DST: variants seen among roughly 807,000 people sequenced by gnomAD.
DST encodes the protein bullous pemphigoid antigen.
Under a neutral mutation model 875.2 loss-of-function variants are expected in DST, and 253 were observed. The ratio of observed to expected loss-of-function variants is 0.29; its 90% CI spans 0.26 to 0.32. The LOEUF (loss-of-function observed/expected upper bound fraction) is 0.32, where lower values mean the gene tolerates loss of function less well. Among genes scored for constraint, DST ranks in the 10% least tolerant of loss-of-function variants. DST has a pLI of 1.00. For missense variants in DST, 8,287 were observed against 9,111.6 expected (o/e 0.91, Z 3.68); for synonymous variants, 3,124 against 3,197.1 (o/e 0.98, Z 0.77).
chr6:56,608,038 G>C lies in DST; in HGVS notation c.6590C>G (p.Thr2197Ser). The C allele has an allele frequency of 2.5e-6, 4 of 1,612,880 alleles. No individual in the cohort carries two copies. Among genetic ancestry groups the C allele is most frequent in the Non-Finnish European group, 3.4e-6 (4 of 1,179,410 alleles). ...EPVTTQTSEETKKLFLSYLMI... is the reference protein window; with the variant it reads ...EPVTTQTSEESKKLFLSYLMI... ...TAAATAAGATAGAAATAATTTTTTA[G>C]TTTCTTCTGAGGTCTGAGTAGTGAC... Residue 2197 changes from threonine to serine, a missense_variant, in exon 40 of 104, where the codon ACT (threonine) becomes AGT (serine). By Grantham distance (58) the Thr-to-Ser change is moderately conservative. Transcript: ENST00000680361.
chr6:56,632,133 A>G, intron 28 of DST, 93 bp from the exon 29 acceptor site: 3 of 904,646 alleles, frequency 3.3e-6, no homozygotes, highest in Non-Finnish European at 5.1e-6. Flanking sequence ...TATTACTGGG[A>G]CACAGCTAGT....
chr6:56,813,695 C>T (rs563574441), intron 4 of DST, among the ~76,000 whole-genome samples: 1 of 152,270 alleles, frequency 6.6e-6, no homozygotes, highest in East Asian at 1.9e-4. Flanking sequence ...AAAAACAGTT[C>T]TTAATGGATA....
intron 4 of DST, among the ~76,000 whole-genome samples, chr6:56,783,841 T>G (rs1405743351): frequency 6.6e-6 from 1 of 152,218 alleles, no homozygotes; most frequent in Non-Finnish European, 1.5e-5. Context: ...ACATTTTGGC[T>G]TGATTTTGCA....
chr6:56,570,076 T>TAAAAA, intron 53 of DST, 64 bp from the exon 54 acceptor site: 1 of 1,196,804 alleles, frequency 8.4e-7, no homozygotes, highest in South Asian at 1.5e-5. Context: ...ATTATTATTC[T>TAAAAA]CATGTCACAC....
Position 56,686,911 on chromosome 6 carries a change from A to G in DST, c.1047+12742T>C, listed in dbSNP as rs181349628. 5.7e-3 allele frequency among the ~76,000 whole-genome samples: 870 copies of G among 152,374 alleles called. 3 individuals carry two copies. The highest frequency in any genetic ancestry group is 7.6e-3 in the Non-Finnish European group (516 of 68,038). ...ACATACGTGACCTCGTTTAATCCTC[A>G]AAACAAGAAACCACCCCAATTTTAA... On this transcript the variant is annotated intron_variant, in intron 9 of 103. Coordinates refer to ENST00000680361, the MANE Select transcript of DST (RefSeq NM_001374736.1).
chr6:56,950,165 T>G (rs1821615233), intron 2 of DST, among the ~76,000 whole-genome samples: 1 of 152,144 alleles, frequency 6.6e-6, no homozygotes, highest in South Asian at 2.1e-4. Flanking sequence ...GTTATGTGAG[T>G]CTTTGGGAAC....
intron 49 of DST, among the ~76,000 whole-genome samples, chr6:56,585,168 G>A (rs2098120644): frequency 6.6e-6 from 1 of 152,234 alleles, no homozygotes. Flanking sequence ...CAGAAGGAAT[G>A]GTACCAGTTC....
At chr6:56,839,515 G>C (rs1298396660) in intron 4 of DST, among the ~76,000 whole-genome samples, 4 of 152,172 alleles carry the variant, frequency 2.6e-5, no homozygotes, top group African/African-American at 7.2e-5. Context: ...CCTATGAACA[G>C]AGCATGAGCA....
intron 10 of DST, among the ~76,000 whole-genome samples, chr6:56,662,609 T>C (rs2099050054): frequency 6.6e-6 from 1 of 152,138 alleles, no homozygotes; most frequent in Non-Finnish European, 1.5e-5. Flanking sequence ...AAAATGGAAG[T>C]AGGAGAATGT....
At chr6:56,649,550 G>A (rs2098962435) in intron 12 of DST, among the ~76,000 whole-genome samples, 1 of 151,654 alleles carries the variant, frequency 6.6e-6, no homozygotes, top group Admixed American at 6.6e-5. Context: ...GAGATGTTCT[G>A]CAATGACCAG....
At chr6:56,739,913 T>C (rs1330720023) in intron 4 of DST, among the ~76,000 whole-genome samples, 1 of 151,932 alleles carries the variant, frequency 6.6e-6, no homozygotes, top group East Asian at 1.9e-4. Context: ...GTCTATGGAG[T>C]AGCCATTCTT....
At position 56,611,602 on chromosome 6, in the gene DST, A is replaced by C; in HGVS notation, c.5059-6T>G. 1 of 1,585,862 alleles carries C rather than the reference A, an allele frequency of 6.3e-7. No homozygotes were observed. The highest frequency in any genetic ancestry group is 8.6e-7 in the Non-Finnish European group (1 of 1,156,252). On this transcript the variant is annotated splice_polypyrimidine_tract_variant and splice_region_variant and intron_variant, in intron 37 of 103. Transcript: ENST00000680361. ...GATATTTCCTCACTGGAAATCTGTAAGGTAAAGAAGGCACATTCAAACTCT... is the reference window on the plus strand; with the variant it reads ...GATATTTCCTCACTGGAAATCTGTACGGTAAAGAAGGCACATTCAAACTCT...
At chr6:56,780,998 CTTGT>C (rs1172342670) in intron 4 of DST, among the ~76,000 whole-genome samples, 2 of 152,088 alleles carry the variant, frequency 1.3e-5, no homozygotes, top group Non-Finnish European at 2.9e-5. Context: ...TTCCCCATTG[CTTGT>C]TTTTCTCAGG....
intron 12 of DST, 121 bp downstream of exon 12, chr6:56,650,805 T>C (rs1484241584): frequency 1.0e-5 from 6 of 597,398 alleles, no homozygotes; most frequent in Admixed American, 3.4e-5. Context: ...AAACAGCATA[T>C]TAACTCAAAT....
chr6:56,652,776 T>C (rs1474757176), intron 10 of DST, among the ~76,000 whole-genome samples: 1 of 152,206 alleles, frequency 6.6e-6, no homozygotes, highest in Non-Finnish European at 1.5e-5. Flanking sequence ...CTTTAATGTT[T>C]TCAACCTGCC....
At chr6:56,789,369 T>C (rs576413327) in intron 4 of DST, among the ~76,000 whole-genome samples, 26 of 152,268 alleles carry the variant, frequency 1.7e-4, no homozygotes, top group Non-Finnish European at 3.4e-4. Flanking sequence ...ATATATATAG[T>C]TATATATGCA....
intron 55 of DST, among the ~76,000 whole-genome samples, chr6:56,562,736 C>G (rs1170400725): frequency 1.3e-5 from 2 of 151,988 alleles, no homozygotes; most frequent in Non-Finnish European, 2.9e-5. Context: ...ATCCACCCCC[C>G]AGGCCCCCCA....
chr6:56,527,577 C>A lies in DST; in HGVS notation c.17838G>T (p.Leu5946=). ...HSTHEELCTW[L]DKVEVELLSY... ...AAAGTAATTCCACCTCCACTTTGTC[C>A]AGCCAGGTACACAGCTCTTCGTGTG... The change falls in exon 68 of 104, where the codon CTG becomes CTT. Residue 5946 remains leucine, a synonymous_variant. Transcript: ENST00000680361. The A allele has an allele frequency of 6.2e-7, 1 of 1,613,832 alleles. No homozygotes were observed. The highest frequency in any genetic ancestry group is 8.5e-7 in the Non-Finnish European group (1 of 1,179,826).
At chr6:56,880,582 G>A (rs1781625604) in intron 3 of DST, among the ~76,000 whole-genome samples, 1 of 151,650 alleles carries the variant, frequency 6.6e-6, no homozygotes, top group Non-Finnish European at 1.5e-5. Context: ...AGCTACTTGG[G>A]AGCCTGAGGC....
Sources: allele counts gnomAD v4.1 joint callset (sites outside exome capture counted in the v4.1 genomes callset), GRCh38; gene constraint gnomAD v4.1.1; transcripts MANE v1.5; gene names NCBI Gene and HGNC (gene_info 2026-07-23, HGNC 2026-07-21).